The following CAPN2 variants were observed in gnomAD, a reference collection of about 807,000 sequenced individuals.
CAPN2 encodes the protein calpain-2 catalytic subunit.
CAPN2 carries 92 observed loss-of-function variants against 102.3 expected under a neutral mutation model. The observed-to-expected ratio is 0.90, with a 90% CI of 0.76 to 1.07. The LOEUF (loss-of-function observed/expected upper bound fraction) is 1.07, where lower values mean the gene tolerates loss of function less well. Among genes scored for constraint, CAPN2 ranks in the 50% least tolerant of loss-of-function variants. The probability of loss-of-function intolerance (pLI) is 0.00; values close to 1 mark genes in which losing one functional copy is unlikely to be tolerated. For missense variants in CAPN2, 800 were observed against 909.4 expected (o/e 0.88, Z 1.55); for synonymous variants, 340 against 355.4 (o/e 0.96, Z 0.49).
Position 223,745,451 on chromosome 1 carries a change from T to C in CAPN2, c.560+12T>C. ...AAGGCATACGCCAAGTAAGTTGCCA[T>C]CCTCCCCTGGCCCCATGGCCTTCCC... On this transcript the variant is annotated intron_variant, in intron 4 of 20. Transcript: ENST00000295006. 1 of 1,614,106 alleles carries C rather than the reference T, an allele frequency of 6.2e-7. No individual in the cohort carries two copies. The highest frequency in any genetic ancestry group is 1.1e-5 in the South Asian group (1 of 91,080).
rs142021694 is a variant in CAPN2, at chr1:223,739,678, T to A, written c.308-4422T>A. Among the ~76,000 whole-genome samples, 935 of 152,216 alleles carry A rather than the reference T, an allele frequency of 6.1e-3. 8 individuals carry two copies. Among genetic ancestry groups the A allele is most frequent in the African/African-American group, 0.021 (892 of 41,526 alleles). ...TTTGTGTGACTGGAGAGCAGAGCCCTCCTCCAAAAATAAAATGAGCACAAG... is the reference window on the plus strand; with the variant it reads ...TTTGTGTGACTGGAGAGCAGAGCCCACCTCCAAAAATAAAATGAGCACAAG... On this transcript the variant is annotated intron_variant, in intron 2 of 20. Coordinates refer to ENST00000295006, the MANE Select transcript of CAPN2 (RefSeq NM_001748.5).
chr1:223,746,173 G>A (rs1020423150), intron 4 of CAPN2, among the ~76,000 whole-genome samples: 3 of 152,190 alleles, frequency 2.0e-5, no homozygotes, highest in Non-Finnish European at 4.4e-5. Flanking sequence ...CAGGAAGGAG[G>A]AGTCAGCTGT....
Position 223,761,607 on chromosome 1 carries a change from A to G in CAPN2, c.1556A>G (p.Asn519Ser), listed in dbSNP as rs192016088. The G allele has an allele frequency of 2.5e-5, 41 of 1,612,506 alleles. No homozygotes were observed. Among genetic ancestry groups the G allele is most frequent in the East Asian group, 1.8e-4 (8 of 44,848 alleles). The change falls in exon 13 of 21, where the codon AAT becomes AGT. Residue 519 changes from asparagine to serine, a missense_variant. Transcript: ENST00000295006. ...YQAVDDEIEA[N>S]LEEFDISEDD... ...GCTGTCGATGATGAAATCGAGGCCA[A>G]TCTTGAAGAGGTATTTGTAACTCTT...
upstream of CAPN2, among the ~76,000 whole-genome samples, chr1:223,711,895 C>G (rs1174200394): frequency 6.6e-6 from 1 of 152,210 alleles, no homozygotes; most frequent in Non-Finnish European, 1.5e-5. Context: ...CCGCACCCAG[C>G]CTTATTGGCC....
intron 16 of CAPN2, among the ~76,000 whole-genome samples, chr1:223,767,285 C>T (rs1409376203): frequency 1.3e-5 from 2 of 151,766 alleles, no homozygotes; most frequent in Non-Finnish European, 2.9e-5. Context: ...GTGCTTTGCA[C>T]CCACTAACTC....
Position 223,712,773 on chromosome 1 carries a change from C to T in CAPN2, c.133C>T (p.Leu45Phe). 6.3e-7 allele frequency: 1 copy of T among 1,580,420 alleles called. No individual in the cohort carries two copies. Among genetic ancestry groups the T allele is most frequent in the South Asian group, 1.2e-5 (1 of 86,292 alleles). ...LRNECLEAGT[L>F]FQDPSFPAIP... is the part of the protein sequence containing the mutation. ...GAACGAGTGCCTGGAGGCCGGGACG[C>T]TCTTCCAGGACCCGTCCTTCCCGGC... is the stretch of plus-strand genomic sequence containing the variant. The change falls in exon 1 of 21, where the codon CTC (leucine) becomes TTC (phenylalanine). Residue 45 changes from leucine to phenylalanine, a missense_variant. By Grantham distance (22) the Leu-to-Phe change is conservative. Coordinates refer to ENST00000295006, the MANE Select transcript of CAPN2 (RefSeq NM_001748.5).
intron 16 of CAPN2, among the ~76,000 whole-genome samples, chr1:223,767,812 T>G (rs1661375750): frequency 6.7e-6 from 1 of 149,580 alleles, no homozygotes; most frequent in African/African-American, 2.4e-5. Flanking sequence ...ACCAACAGTG[T>G]AAAAGTGTTC....
chr1:223,704,378 C>T (rs746779803), intron 1 of CAPN2, among the ~76,000 whole-genome samples: 2 of 152,202 alleles, frequency 1.3e-5, no homozygotes, highest in East Asian at 1.9e-4. Context: ...AAGTGTGAAA[C>T]GCCTCAGTCG....
Position 223,770,303 on chromosome 1 carries a change from A to C in CAPN2, c.1825-144A>C, listed in dbSNP as rs1388208225. The C allele has an allele frequency of 1.6e-6, 1 of 626,178 alleles. No individual in the cohort carries two copies. Among genetic ancestry groups the C allele is most frequent in the Non-Finnish European group, 2.9e-6 (1 of 345,770 alleles). The allele number at this position is 626,178 out of a possible 1,614,324, so 38.8% of individuals were successfully genotyped here. A position where few individuals can be genotyped will look rare whatever the true frequency, so the allele number is the denominator to read the frequency against. ...GAAGCAAAATACTATTAGTTATTTA[A>C]GGCAGAAACATAAGTGATTCTTCCA... On this transcript the variant is annotated intron_variant, in intron 17 of 20. Coordinates refer to ENST00000295006, the MANE Select transcript of CAPN2 (RefSeq NM_001748.5).
intron 16 of CAPN2, 126 bp from the exon 17 acceptor site, chr1:223,769,715 G>T (rs1661422577): frequency 4.1e-6 from 3 of 734,112 alleles, no homozygotes; most frequent in South Asian, 1.5e-5. Flanking sequence ...AGCAGGAAAA[G>T]GATCCTTCTG....
intron 11 of CAPN2, chr1:223,757,743 T>A (rs890326885): frequency 2.0e-5 from 7 of 349,600 alleles, no homozygotes; most frequent in Non-Finnish European, 3.7e-5. Context: ...CCCTGCAGAC[T>A]GTACTAGAAG....
intron 2 of CAPN2, among the ~76,000 whole-genome samples, chr1:223,740,688 G>A (rs894153468): frequency 6.6e-6 from 1 of 152,192 alleles, no homozygotes; most frequent in Non-Finnish European, 1.5e-5. Flanking sequence ...AAAGTACATT[G>A]ATTTCTTTAT....
At chr1:223,709,857 A>G (rs1659694098), upstream of CAPN2, among the ~76,000 whole-genome samples, 1 of 152,238 alleles carries the variant, frequency 6.6e-6, no homozygotes, top group South Asian at 2.1e-4. Context: ...GCATTTGCAT[A>G]TCTATAGGAA....
chr1:223,715,190 A>G (rs772148627), intron 1 of CAPN2, among the ~76,000 whole-genome samples: 1 of 152,246 alleles, frequency 6.6e-6, no homozygotes, highest in Admixed American at 6.5e-5. Context: ...AACACTAGCA[A>G]GTCATTGGTG....
In CAPN2 at chr1:223,759,351, A is replaced by G. The variant is rs1337273475; in HGVS notation, c.1399A>G (p.Asn467Asp). The G allele has an allele frequency of 6.2e-7, 1 of 1,614,210 alleles. No individual in the cohort carries two copies. The highest frequency in any genetic ancestry group is 1.7e-5 in the Admixed American group (1 of 60,026). ...CAGGGAGCGCTCAGACACCTTCATC[A>G]ACCTCCGGGAGGTGCTCAACCGCTT... ...RARERSDTFI[N>D]LREVLNRFKL... The change falls in exon 12 of 21, where the codon AAC becomes GAC. Residue 467 changes from asparagine to aspartate, a missense_variant. Transcript: ENST00000295006. This position sits in a 1 kb window ranked among gnomAD's most constrained non-coding sequence, Gnocchi z 4.6.
chr1:223,745,370 A>C lies in CAPN2; in HGVS notation c.491A>C (p.Glu164Ala). 1 of 1,614,132 alleles carries C rather than the reference A, an allele frequency of 6.2e-7. No homozygotes were observed. The highest frequency in any genetic ancestry group is 2.2e-5 in the East Asian group (1 of 44,876). ...GACAGGCTGCCCACCAAGGACGGGG[A>C]GCTGCTCTTTGTGCATTCAGCCGAA... ...VDDRLPTKDG[E>A]LLFVHSAEGS... Residue 164 changes from glutamate (E) to alanine (A), a missense_variant, in exon 4 of 21, where the codon GAG (glutamate) becomes GCG (alanine). Transcript: ENST00000295006.
intron 2 of CAPN2, among the ~76,000 whole-genome samples, chr1:223,737,730 C>T (rs1372281429): frequency 1.1e-5 from 1 of 92,110 alleles, no homozygotes; most frequent in Non-Finnish European, 2.3e-5. Flanking sequence ...GGAGAGAATA[C>T]AATAACACCA....
At chr1:223,737,810 G>C (rs985175035) in intron 2 of CAPN2, among the ~76,000 whole-genome samples, 2 of 149,914 alleles carry the variant, frequency 1.3e-5, no homozygotes, top group Non-Finnish European at 3.0e-5. Flanking sequence ...TGTCAAAACC[G>C]GGAGAGGGGA....
rs919773820 is a variant in CAPN2 at position 223,727,964 on chromosome 1, G to C, written c.307+10133G>C. Among the ~76,000 whole-genome samples the C allele has an allele frequency of 2.0e-5, 3 of 152,158 alleles. No individual in the cohort carries two copies. Reference sequence around the variant, plus strand: ...GTACCTTGGGAACTGCAGAGCAGCTGGGTGGCCTGACACTGGCATTTCTCA... The same window carrying C: ...GTACCTTGGGAACTGCAGAGCAGCTCGGTGGCCTGACACTGGCATTTCTCA... On this transcript the variant is annotated intron_variant, in intron 2 of 20. Transcript: ENST00000295006. The surrounding 1 kb of genome is among the most constrained non-coding windows in gnomAD (Gnocchi z 4.1).
Sources: allele counts gnomAD v4.1 joint callset (sites outside exome capture counted in the v4.1 genomes callset), GRCh38; gene constraint gnomAD v4.1.1; non-coding constraint Gnocchi (gnomAD v3.1); transcripts MANE v1.5; gene names NCBI Gene and HGNC (gene_info 2026-07-23, HGNC 2026-07-21).